The following INSL6 variants were observed in gnomAD, a reference collection of about 807,000 sequenced individuals.
The protein encoded by INSL6 is insulin-like peptide INSL6.
In INSL6, 16 loss-of-function variants were observed where a neutral mutation model predicts 9.4. The ratio of observed to expected loss-of-function variants is 1.70; its 90% confidence interval spans 1.15 to 2.59. The LOEUF (loss-of-function observed/expected upper bound fraction) is 2.59, where lower values mean the gene tolerates loss of function less well. INSL6 is among the 30% of genes most tolerant of loss of function. The probability of loss-of-function intolerance (pLI) is 0.00; values close to 1 mark genes in which losing one functional copy is unlikely to be tolerated. For synonymous variants in INSL6, 154 were observed against 96.9 expected, an observed-to-expected ratio of 1.59 and a Z score of -3.46; for missense variants, 391 against 257.3, an observed-to-expected ratio of 1.52 and a Z score of -3.56.
chr9:5,099,170 C>G, the INSL6 span: 1 of 152,194 alleles, frequency 6.6e-6, no homozygotes, highest in African/African-American at 2.4e-5. Flanking sequence ...AAAACAGATG[C>G]AATCCCCAGA....
At chr9:5,164,352 T>C in intron 1 of INSL6, 87 bp from the exon 2 acceptor site, 1 of 826,642 alleles carries the variant, frequency 1.2e-6, no homozygotes, top group Admixed American at 2.5e-5. Flanking sequence ...AATCAGCTAA[T>C]TATTAAAAAA....
the INSL6 span, chr9:5,077,595 C>T: frequency 6.9e-7 from 1 of 1,445,574 alleles, no homozygotes; most frequent in South Asian, 1.5e-5. Flanking sequence ...GTAGTACAAC[C>T]TTTTTATCAA....
chr9:5,081,910 A>T, the INSL6 span: 3,951 of 1,482,746 alleles, frequency 2.7e-3, 12 homozygotes, highest in Non-Finnish European at 3.3e-3. Flanking sequence ...TTCATTTAGG[A>T]AAAACTTAAG....
At chr9:5,172,018 CA>C (rs935758777) in intron 1 of INSL6, among the ~76,000 whole-genome samples, 4 of 152,130 alleles carry the variant, frequency 2.6e-5, no homozygotes, top group Non-Finnish European at 5.9e-5. Context: ...AGAGCTCAAA[CA>C]GCCAAGACAA....
chr9:5,185,286 C>A, intron 1 of INSL6, 28 bp downstream of exon 1: 1 of 1,613,948 alleles, frequency 6.2e-7, no homozygotes, highest in Non-Finnish European at 8.5e-7. Flanking sequence ...CAGAGGTGAA[C>A]AAACATGCCT....
the INSL6 span, chr9:5,069,018 A>G: frequency 1.3e-6 from 2 of 1,544,860 alleles, no homozygotes; most frequent in East Asian, 2.3e-5. Flanking sequence ...TTAAACTTAT[A>G]CAGCGAGAAA....
At chr9:5,061,727 C>T in the INSL6 span, among the ~76,000 whole-genome samples, 8 of 152,316 alleles carry the variant, frequency 5.3e-5, no homozygotes, top group South Asian at 2.1e-4. Context: ...TTCAGTTTCC[C>T]TCAAGGACTT....
the INSL6 span, chr9:5,054,778 G>A: frequency 1.9e-6 from 3 of 1,613,080 alleles, no homozygotes; most frequent in Non-Finnish European, 2.5e-6. This position sits in a 1 kb window ranked among gnomAD's most constrained non-coding sequence, Gnocchi z 4.9. Context: ...GAACCTGGAA[G>A]TGGTCCTTCA....
the INSL6 span, among the ~76,000 whole-genome samples, chr9:5,034,911 A>C: frequency 0.086 from 13,046 of 152,236 alleles, 1,672 homozygotes; most frequent in African/African-American, 0.28. Flanking sequence ...GGACATAGAG[A>C]GACAAAAAAC....
the INSL6 span, among the ~76,000 whole-genome samples, chr9:5,091,836 C>A: frequency 2.0e-5 from 3 of 152,022 alleles, no homozygotes; most frequent in South Asian, 6.2e-4. Flanking sequence ...ATAATGGGTA[C>A]TTTAAGGTTG....
chr9:5,034,809 A>G, the INSL6 span, among the ~76,000 whole-genome samples: 1 of 152,226 alleles, frequency 6.6e-6, no homozygotes, highest in Non-Finnish European at 1.5e-5. Context: ...TGACACCCTA[A>G]CATCACAATT....
the INSL6 span, among the ~76,000 whole-genome samples, chr9:5,088,521 G>A: frequency 1.4e-5 from 2 of 141,104 alleles, no homozygotes; most frequent in Admixed American, 1.5e-4. Context: ...TAAAAAGAGT[G>A]GATTTCTTTA....
At chr9:5,050,050 TGTA>T in the INSL6 span, among the ~76,000 whole-genome samples, 93 of 152,334 alleles carry the variant, frequency 6.1e-4, no homozygotes, top group Non-Finnish European at 2.1e-4. Context: ...CAACACCACT[TGTA>T]GTATGATACT....
intron 1 of INSL6, among the ~76,000 whole-genome samples, chr9:5,168,335 A>AT (rs1825101852): frequency 6.6e-6 from 1 of 152,218 alleles, no homozygotes; most frequent in Admixed American, 6.5e-5. Context: ...ATAATAAAAC[A>AT]TTACAGGAGC....
In INSL6 at chr9:5,164,103, C is replaced by T. The variant is rs34567633; in HGVS notation, c.452G>A (p.Arg151His). 65 of 1,612,432 alleles carry T rather than the reference C, an allele frequency of 4.0e-5. No homozygotes were observed. Among genetic ancestry groups the T allele is most frequent in the African/African-American group, 2.7e-4 (20 of 74,766 alleles). The change falls in exon 2 of 2, where the codon CGT becomes CAT. Residue 151 changes from arginine to histidine, a missense_variant. Coordinates refer to ENST00000381641, the MANE Select transcript of INSL6 (RefSeq NM_007179.3). ...GCTTAAGGTTTTAATTTTGTTTCTA[C>T]GTTTCTTCTGAAATTTTGCATTCTC... ...IHENAKFQKKRRNKIKTLSNL... is the reference protein window; with the variant it reads ...IHENAKFQKKHRNKIKTLSNL...
the INSL6 span, among the ~76,000 whole-genome samples, chr9:5,081,124 T>A: frequency 6.6e-6 from 1 of 152,048 alleles, no homozygotes; most frequent in African/African-American, 2.4e-5. Context: ...CTCGATCTCC[T>A]GATCTTGTGA....
At chr9:5,055,177 G>T in the INSL6 span, among the ~76,000 whole-genome samples, 1 of 151,928 alleles carries the variant, frequency 6.6e-6, no homozygotes, top group African/African-American at 2.4e-5. Flanking sequence ...CACTACTAGT[G>T]ATAACAGAAG....
chr9:5,033,892 A>G, the INSL6 span, among the ~76,000 whole-genome samples: 2 of 152,200 alleles, frequency 1.3e-5, no homozygotes, highest in Admixed American at 6.5e-5. Flanking sequence ...CCATAACAAT[A>G]TTAACCTTAA....
At chr9:5,067,505 A>G in the INSL6 span, among the ~76,000 whole-genome samples, 1 of 152,082 alleles carries the variant, frequency 6.6e-6, no homozygotes, top group Non-Finnish European at 1.5e-5. Context: ...TGCAACTTAT[A>G]TTTGGCATAT....
Sources: allele counts gnomAD v4.1 joint callset (sites outside exome capture counted in the v4.1 genomes callset), GRCh38; gene constraint gnomAD v4.1.1; non-coding constraint Gnocchi (gnomAD v3.1); transcripts MANE v1.5; gene names NCBI Gene and HGNC (gene_info 2026-07-23, HGNC 2026-07-21).